The following OR6J1 variants were observed in gnomAD, a reference collection of about 807,000 sequenced individuals.
OR6J1 encodes the protein olfactory receptor 6J1.
For synonymous variants in OR6J1, 109 were observed against 70.0 expected, an observed-to-expected ratio of 1.56 and a Z score of -2.78; for missense variants, 304 against 166.8, an observed-to-expected ratio of 1.82 and a Z score of -4.53.
In OR6J1 at chr14:22,637,410, G is replaced by GT. The variant is rs1430346891; in HGVS notation, c.-27-2573_-27-2572insA. 1.5e-3 allele frequency among the ~76,000 whole-genome samples: 53 copies of GT among 34,928 alleles called. 2 individuals carry two copies. The highest frequency in any genetic ancestry group is 0.012 in the Middle Eastern group (1 of 84). 22.9% of individuals were successfully genotyped at this position (34,928 alleles called of 152,430 possible). ...AGTCGCCCCGTCCAGGAGGGAGGTGGGGGGGTCAGCCCCCCGCCCGGCCAG... is the reference window on the plus strand; with the variant it reads ...AGTCGCCCCGTCCAGGAGGGAGGTGGTGGGGGTCAGCCCCCCGCCCGGCCAG... On this transcript the variant is annotated intron_variant, in intron 1 of 1. Coordinates refer to ENST00000540461, the MANE Select transcript of OR6J1 (RefSeq NM_001348233.2).
In OR6J1 at chr14:22,637,027, G is replaced by A. The variant is rs1380117951; in HGVS notation, c.-27-2189C>T. Among the ~76,000 whole-genome samples, 3 of 123,902 alleles carry A rather than the reference G, an allele frequency of 2.4e-5. 1 individual carries two copies. Among genetic ancestry groups the A allele is most frequent in the Non-Finnish European group, 3.2e-5 (2 of 61,832 alleles). The allele number at this position is 123,902 out of a possible 152,430, so 81.3% of individuals were successfully genotyped here. A position where few individuals can be genotyped will look rare whatever the true frequency, so the allele number is the denominator to read the frequency against. On this transcript the variant is annotated intron_variant, in intron 1 of 1. Coordinates refer to ENST00000540461, the MANE Select transcript of OR6J1 (RefSeq NM_001348233.2). ...AAGTGAGGAGCGTCTCTGCCCGGCC[G>A]CCCATGTCTGAGATGTGGGGAGCAC...
intron 1 of OR6J1, among the ~76,000 whole-genome samples, chr14:22,641,259 A>AAGAAAG (rs1555310981): frequency 2.1e-5 from 1 of 48,526 alleles, no homozygotes; most frequent in South Asian, 7.9e-4. Flanking sequence ...GAAAGAAAGA[A>AAGAAAG]AGAAAGAAAG....
intron 1 of OR6J1, among the ~76,000 whole-genome samples, chr14:22,639,413 G>C (rs1295099132): frequency 2.4e-5 from 3 of 127,604 alleles, no homozygotes; most frequent in African/African-American, 1.1e-4. Context: ...GGTGAGGGGC[G>C]CCTCTGCCCG....
intron 1 of OR6J1, among the ~76,000 whole-genome samples, chr14:22,638,754 T>C (rs1380278311): frequency 1.3e-5 from 2 of 152,068 alleles, no homozygotes; most frequent in Non-Finnish European, 2.9e-5. Flanking sequence ...CAATAACAAG[T>C]GTTGACGAGG....
rs1183889876 is a variant in OR6J1 at position 22,643,714 on chromosome 14, AACACACACACACACAC to A, written c.-28+368_-28+383del. ...AAGCCCTGACCCCTGGCATGGCAGA[AACACACACACACACAC>A]ACACACACACACACACACACACACA... On this transcript the variant is annotated intron_variant, in intron 1 of 1. Transcript: ENST00000540461. Among the ~76,000 whole-genome samples, 493 of 84,008 alleles carry A rather than the reference AACACACACACACACAC, an allele frequency of 5.9e-3. 3 individuals are homozygous for A. The highest frequency in any genetic ancestry group is 7.7e-3 in the Non-Finnish European group (347 of 45,230). 55.1% of individuals were successfully genotyped at this position (84,008 alleles called of 152,430 possible).
At chr14:22,636,449 C>T (rs2037587062) in intron 1 of OR6J1, among the ~76,000 whole-genome samples, 2 of 55,042 alleles carry the variant, frequency 3.6e-5, no homozygotes. Context: ...CAGGGTCTCC[C>T]TCTGATGCCG....
At position 22,634,838 on chromosome 14, in the gene OR6J1, C is replaced by T. The variant is rs56305436; in HGVS notation, c.-27G>A. On this transcript the variant is annotated splice_region_variant and 5_prime_UTR_variant, in exon 2 of 2. Coordinates refer to ENST00000540461, the MANE Select transcript of OR6J1 (RefSeq NM_001348233.2). ...GGCCTGGTGGGCCTGGCTCAATTCT[C>T]CTAACAGAACAAAGGGAGATAACAC... 0.2 allele frequency: 132,306 copies of T among 649,170 alleles called. 14,534 individuals are homozygous for T. The highest frequency in any genetic ancestry group is 0.32 in the African/African-American group (17,922 of 55,706). 40.2% of individuals were successfully genotyped at this position (649,170 alleles called of 1,614,324 possible). A position where few individuals can be genotyped will look rare whatever the true frequency, so the allele number is the denominator to read the frequency against.
chr14:22,643,756 C>CAGAGAG (rs1193688098), intron 1 of OR6J1, among the ~76,000 whole-genome samples: 95 of 73,064 alleles, frequency 1.3e-3, no homozygotes, highest in East Asian at 1.7e-3. Flanking sequence ...CACACACACA[C>CAGAGAG]ACACACACAG....
rs776303970 is a variant in OR6J1, at chr14:22,631,685, G to C, written c.*2083C>G. 1 of 152,308 alleles carries C rather than the reference G, an allele frequency of 6.6e-6. No homozygotes were observed. The highest frequency in any genetic ancestry group is 2.1e-4 in the South Asian group (1 of 4,848). 9.4% of individuals were successfully genotyped at this position (152,308 alleles called of 1,614,324 possible). A position where few individuals can be genotyped will look rare whatever the true frequency, so the allele number is the denominator to read the frequency against. ...TGACAGGATTAAGAGATTAAAGACA[G>C]GCATAGGAAATCACAAGGGTATTCA... On this transcript the variant is annotated 3_prime_UTR_variant, in exon 2 of 2. Coordinates refer to ENST00000540461, the MANE Select transcript of OR6J1 (RefSeq NM_001348233.2).
intron 1 of OR6J1, among the ~76,000 whole-genome samples, chr14:22,641,635 T>A (rs2139298957): frequency 6.6e-6 from 1 of 152,298 alleles, no homozygotes; most frequent in African/African-American, 2.4e-5. Flanking sequence ...ATTGAAAATG[T>A]ATATTAGCAA....
chr14:22,633,816 C>A lies in OR6J1; in HGVS notation c.996G>T (p.Arg332Ser), dbSNP rs200744530. ...AGACACATGGTGGAGAAGAGCAAGC[C>A]CTTCCTTGGTGGTCTTTGTTGGAGG... ...RLSSNKDHQG[R>S]ACSSPPCVYS... The change falls in exon 2 of 2, where the codon AGG becomes AGT. Residue 332 changes from arginine (R) to serine (S), a missense_variant. By Grantham distance (110) the Arg-to-Ser change is moderately radical. Coordinates refer to ENST00000540461, the MANE Select transcript of OR6J1 (RefSeq NM_001348233.2). 225 of 701,224 alleles carry A rather than the reference C, an allele frequency of 3.2e-4. No homozygotes were observed. The highest frequency in any genetic ancestry group is 1.8e-3 in the Middle Eastern group (8 of 4,360). 43.4% of individuals were successfully genotyped at this position (701,224 alleles called of 1,614,324 possible). A position where few individuals can be genotyped will look rare whatever the true frequency, so the allele number is the denominator to read the frequency against.
Position 22,633,809 on chromosome 14 carries a change from A to G in OR6J1, c.1003T>C (p.Ser335Pro). 1.4e-6 allele frequency: 1 copy of G among 700,104 alleles called. No individual in the cohort carries two copies. Among genetic ancestry groups the G allele is most frequent in the Non-Finnish European group, 2.6e-6 (1 of 383,248 alleles). The allele number at this position is 700,104 out of a possible 1,614,324, so 43.4% of individuals were successfully genotyped here. The change falls in exon 2 of 2, where the codon TCT becomes CCT. Residue 335 changes from serine to proline, a missense_variant. Physicochemically the swap from Ser to Pro is moderately conservative, Grantham distance 74 (BLOSUM62 -1). Transcript: ENST00000540461. ...SNKDHQGRAC[S>P]SPPCVYSVKL... ...ACAGAATAGACACATGGTGGAGAAG[A>G]GCAAGCCCTTCCTTGGTGGTCTTTG...
Position 22,634,246 on chromosome 14 carries a change from G to T in OR6J1, c.566C>A (p.Ala189Glu). Residue 189 changes from alanine (A) to glutamate (E), a missense_variant, in exon 2 of 2, where the codon GCA becomes GAA. Transcript: ENST00000540461. ...DSGPLLALAC[A>E]DTTAIELMDF... The stretch of plus-strand genomic sequence containing the variant: ...CATCAGCTCGATGGCAGTGGTGTCT[G>T]CACAGGCCAGGGCCAGCAAGGGTCC... The T allele has an allele frequency of 1.4e-6, 1 of 703,378 alleles. No homozygotes were observed. The allele number at this position is 703,378 out of a possible 1,614,324, so 43.6% of individuals were successfully genotyped here.
chr14:22,643,188 G>A lies in OR6J1; in HGVS notation c.-28+910C>T, dbSNP rs942318162. ...TCCCCATGTTGGCCAGGCTGGTCTC[G>A]AACTCCTGACTTCAAGTGATCCATC... On this transcript the variant is annotated intron_variant, in intron 1 of 1. Transcript: ENST00000540461. 4.0e-5 allele frequency among the ~76,000 whole-genome samples: 6 copies of A among 151,836 alleles called. No individual in the cohort carries two copies. The East Asian group carries it at 7.7e-4, about 20-fold the overall frequency.
rs1287450410 is a variant in OR6J1 at position 22,637,036 on chromosome 14, T to C, written c.-27-2198A>G. ...GCGTCTCTGCCCGGCCGCCCATGTC[T>C]GAGATGTGGGGAGCACCTCTGCCCC... On this transcript the variant is annotated intron_variant, in intron 1 of 1. Coordinates refer to ENST00000540461, the MANE Select transcript of OR6J1 (RefSeq NM_001348233.2). Among the ~76,000 whole-genome samples the C allele has an allele frequency of 1.6e-5, 2 of 121,302 alleles. 1 individual carries two copies. The highest frequency in any genetic ancestry group is 3.3e-5 in the Non-Finnish European group (2 of 60,908). The allele number at this position is 121,302 out of a possible 152,430, so 79.6% of individuals were successfully genotyped here. A position where few individuals can be genotyped will look rare whatever the true frequency, so the allele number is the denominator to read the frequency against.
chr14:22,644,275 T>C lies in OR6J1; in HGVS notation c.-205A>G, dbSNP rs35137509. 52,863 of 152,172 alleles carry C rather than the reference T, an allele frequency of 0.35. 10,984 individuals carry two copies. The highest frequency in any genetic ancestry group is 0.59 in the African/African-American group (24,349 of 41,464). The allele number at this position is 152,172 out of a possible 1,614,324, so 9.4% of individuals were successfully genotyped here. On this transcript the variant is annotated 5_prime_UTR_variant, in exon 1 of 2. Transcript: ENST00000540461. ...TTCCCAACTCATGTGGATTGTTGCC[T>C]TAGCTGTGACCTCTTGTCCGACGAG...
Position 22,631,412 on chromosome 14 carries a change from C to A in OR6J1, c.*2356G>T, listed in dbSNP as rs538341384. The A allele has an allele frequency of 1.3e-5, 2 of 152,314 alleles. No homozygotes were observed. The highest frequency in any genetic ancestry group is 3.9e-4 in the East Asian group (2 of 5,188). The allele number at this position is 152,314 out of a possible 1,614,324, so 9.4% of individuals were successfully genotyped here. A position where few individuals can be genotyped will look rare whatever the true frequency, so the allele number is the denominator to read the frequency against. ...CTCTCTTTCCCAGGGATGTTCCTTGCTGAGAAAAAGAATTCAGTGATATTC... is the reference window on the plus strand; with the variant it reads ...CTCTCTTTCCCAGGGATGTTCCTTGATGAGAAAAAGAATTCAGTGATATTC... On this transcript the variant is annotated 3_prime_UTR_variant, in exon 2 of 2. Coordinates refer to ENST00000540461, the MANE Select transcript of OR6J1 (RefSeq NM_001348233.2).
At chr14:22,636,224 C>CAAGATACCATTTTATACCCACTATATT (rs1594901565) in intron 1 of OR6J1, among the ~76,000 whole-genome samples, 18 of 109,574 alleles carry the variant, frequency 1.6e-4, no homozygotes, top group African/African-American at 2.6e-4. Flanking sequence ...AAGACACTAG[C>CAAGATACCATTTTATACCCACTATATT]GCCCTCTCCC....
intron 1 of OR6J1, among the ~76,000 whole-genome samples, chr14:22,637,115 G>A (rs1594902069): frequency 1.7e-5 from 2 of 116,168 alleles, no homozygotes; most frequent in Non-Finnish European, 3.3e-5. Flanking sequence ...CCCTGTCTGA[G>A]AGGTGAGGAG....
Sources: gnomAD v4.1 joint callset for allele counts (sites outside exome capture counted in the v4.1 genomes callset) on GRCh38, gnomAD v4.1.1 for gene constraint, MANE v1.5 for transcripts, NCBI Gene and HGNC (gene_info 2026-07-23, HGNC 2026-07-21) for gene names.